The following TMEM44 variants were observed in gnomAD, a reference collection of about 807,000 sequenced individuals.
The protein encoded by TMEM44 is transmembrane protein 44.
TMEM44 carries 43 observed loss-of-function variants against 47.8 expected under a neutral mutation model. The ratio of observed to expected loss-of-function variants is 0.90; its 90% CI spans 0.70 to 1.16. The LOEUF is 1.16. Among genes scored for constraint, TMEM44 ranks in the 50% most tolerant of loss-of-function variants. The pLI is 0.00. For missense variants in TMEM44, 568 were observed against 555.2 expected (o/e 1.02, Z -0.23); for synonymous variants, 277 against 238.8 (o/e 1.16, Z -1.48).
intron 5 of TMEM44, among the ~76,000 whole-genome samples, chr3:194,620,951 G>A (rs576093355): frequency 2.0e-5 from 3 of 151,666 alleles, no homozygotes; most frequent in Admixed American, 1.3e-4. Context: ...ACTGGAACCC[G>A]GGAGGCAGAG....
Position 194,625,888 on chromosome 3 carries a change from C to A in TMEM44, c.358+9G>T, listed in dbSNP as rs1295734422. 7.5e-6 allele frequency: 12 copies of A among 1,607,370 alleles called. No individual in the cohort carries two copies. Among genetic ancestry groups the A allele is most frequent in the Non-Finnish European group, 1.0e-5 (12 of 1,174,004 alleles). Reference sequence around the variant, plus strand: ...GAATAAAGACAGGAAAAGACAGCCACACACTCACCTGAATTAGACTTGAAT... The same window carrying A: ...GAATAAAGACAGGAAAAGACAGCCAAACACTCACCTGAATTAGACTTGAAT... On this transcript the variant is annotated intron_variant, in intron 3 of 9. Coordinates refer to ENST00000347147, the MANE Select transcript of TMEM44 (RefSeq NM_001011655.3).
chr3:194,604,566 T>G, intron 8 of TMEM44, 121 bp from the exon 9 acceptor site: 1 of 1,288,662 alleles, frequency 7.8e-7, no homozygotes, highest in Non-Finnish European at 1.0e-6. Flanking sequence ...GGGCAGCATC[T>G]ACCTGTGCTC....
intron 7 of TMEM44, among the ~76,000 whole-genome samples, chr3:194,614,354 G>A (rs920272089): frequency 7.2e-5 from 11 of 152,170 alleles, no homozygotes; most frequent in Admixed American, 3.3e-4. Flanking sequence ...TATTAAAGAT[G>A]CATGTGAAAG....
rs111899698 is a variant in TMEM44 at position 194,613,070 on chromosome 3, T to A, written c.913-2050A>T. 4.1e-3 allele frequency among the ~76,000 whole-genome samples: 632 copies of A among 152,342 alleles called. 6 individuals are homozygous for A. The highest frequency in any genetic ancestry group is 0.021 in the South Asian group (100 of 4,830). On this transcript the variant is annotated intron_variant, in intron 7 of 9. Transcript: ENST00000347147. Reference sequence around the variant, plus strand: ...AAGTTCTGACTACTTGTAGAGGTCATCTGTTTAAATCAATAAAAGGAGACG... The same window carrying A: ...AAGTTCTGACTACTTGTAGAGGTCAACTGTTTAAATCAATAAAAGGAGACG...
intron 9 of TMEM44, among the ~76,000 whole-genome samples, chr3:194,592,286 T>A (rs1361134735): frequency 1.3e-5 from 2 of 150,654 alleles, no homozygotes; most frequent in African/African-American, 4.9e-5. Flanking sequence ...GAGCAAAAGA[T>A]CCATTTTCAT....
intron 8 of TMEM44, among the ~76,000 whole-genome samples, chr3:194,605,221 C>T (rs1714648120): frequency 6.6e-6 from 1 of 152,012 alleles, no homozygotes; most frequent in South Asian, 2.1e-4. Context: ...CAAAGCTTCC[C>T]CCCATGGGCT....
intron 6 of TMEM44, 62 bp from the exon 7 acceptor site, chr3:194,615,759 C>T (rs1185368763): frequency 2.5e-6 from 4 of 1,585,710 alleles, no homozygotes; most frequent in African/African-American, 1.3e-5. Flanking sequence ...TGGCCCTTCA[C>T]CCCTCCACAC....
intron 9 of TMEM44, among the ~76,000 whole-genome samples, chr3:194,591,258 T>A (rs1035044046): frequency 2.0e-5 from 3 of 151,838 alleles, no homozygotes; most frequent in African/African-American, 7.3e-5. Flanking sequence ...TCTGGGAGGC[T>A]GAGGCGGGTG....
intron 1 of TMEM44, 42 bp from the exon 2 acceptor site, chr3:194,628,551 T>A: frequency 6.4e-7 from 1 of 1,561,144 alleles, no homozygotes; most frequent in South Asian, 1.2e-5. Flanking sequence ...CAACTGTGAG[T>A]TTGGACCCAA....
intron 7 of TMEM44, among the ~76,000 whole-genome samples, chr3:194,613,514 C>G (rs1488195308): frequency 6.7e-6 from 1 of 149,474 alleles, no homozygotes; most frequent in African/African-American, 2.5e-5. Flanking sequence ...TTTTTCGAGA[C>G]GGAGTTTTGC....
rs781527383 is a variant in TMEM44, at chr3:194,615,623, GCT to G, written c.856_857del (p.Ser286ProfsTer2). On this transcript the variant is annotated frameshift_variant, in exon 7 of 10. Coordinates refer to ENST00000347147, the MANE Select transcript of TMEM44 (RefSeq NM_001011655.3). LOFTEE classifies it high-confidence loss of function. ...AGGTCAAAAGGGCTTGGGTGTCAGG[GCT>G]CTCTCTGGCTTCCTTGGCAAATCCT... ...ALGFAKEARESPDTQALLTCA... is the reference protein window; with the variant it reads ...ALGFAKEAREXPDTQALLTCA... The G allele has an allele frequency of 1.2e-5, 20 of 1,613,984 alleles. No individual in the cohort carries two copies. Among genetic ancestry groups the G allele is most frequent in the Admixed American group, 5.0e-5 (3 of 59,986 alleles).
At chr3:194,628,960 T>A (rs990191420) in intron 1 of TMEM44, among the ~76,000 whole-genome samples, 1 of 152,090 alleles carries the variant, frequency 6.6e-6, no homozygotes, top group Non-Finnish European at 1.5e-5. Flanking sequence ...GGTCAGGAGT[T>A]CGAGACCATC....
At position 194,615,689 on chromosome 3, in the gene TMEM44, G is replaced by A; in HGVS notation, c.792C>T (p.Phe264=). The stretch of plus-strand genomic sequence containing the variant: ...TCTTGCTCTTCATCACACACGAAAG[G>A]AAAATAATCTGAGATGGTGTAAGTT... ...GRAALDLAII[F]LSCVMKSKMR... The change falls in exon 7 of 10, where the codon TTC becomes TTT. Residue 264 remains phenylalanine (F), a synonymous_variant. Transcript: ENST00000347147. 6.2e-7 allele frequency: 1 copy of A among 1,613,896 alleles called. No homozygotes were observed. The highest frequency in any genetic ancestry group is 1.1e-5 in the South Asian group (1 of 91,072).
chr3:194,617,584 T>C, intron 5 of TMEM44: 1 of 689,554 alleles, frequency 1.5e-6, no homozygotes. Context: ...TGATCATGAC[T>C]CAGCTCTTTA....
In TMEM44 at chr3:194,588,586, C is replaced by T; in HGVS notation, c.1230G>A (p.Leu410=). 2 of 1,614,214 alleles carry T rather than the reference C, an allele frequency of 1.2e-6. No homozygotes were observed. The highest frequency in any genetic ancestry group is 1.7e-6 in the Non-Finnish European group (2 of 1,180,032). The change falls in exon 10 of 10, where the codon CTG becomes CTA. Residue 410 remains leucine, a synonymous_variant. Transcript: ENST00000347147. ...LEGSKENVEL[L]GSQVHQDSVR... Reference sequence around the variant, plus strand: ...CAGAGTCCTGGTGCACCTGGGATCCCAGTAGCTCCACATTTTCTTTGCTGC... The same window carrying T: ...CAGAGTCCTGGTGCACCTGGGATCCTAGTAGCTCCACATTTTCTTTGCTGC...
intron 9 of TMEM44, among the ~76,000 whole-genome samples, chr3:194,603,798 C>T (rs368484380): frequency 7.9e-5 from 12 of 152,272 alleles, no homozygotes; most frequent in East Asian, 3.9e-4. Flanking sequence ...CTAATGTGAC[C>T]GTGGAAACCT....
intron 9 of TMEM44, among the ~76,000 whole-genome samples, chr3:194,594,705 G>A (rs1364441552): frequency 1.3e-5 from 2 of 151,392 alleles, no homozygotes; most frequent in African/African-American, 4.9e-5. Context: ...CAGAAATGCC[G>A]ATGATATAAA....
chr3:194,623,448 C>T (rs1716795313), intron 4 of TMEM44, 81 bp downstream of exon 4: 1 of 1,513,914 alleles, frequency 6.6e-7, no homozygotes, highest in Non-Finnish European at 8.9e-7. Flanking sequence ...CCCCACTCCC[C>T]TAGCCCCGGC....
chr3:194,633,093 G>A lies in TMEM44; in HGVS notation c.123C>T (p.Ile41=). The change falls in exon 1 of 10, where the codon ATC becomes ATT. Residue 41 remains isoleucine (I), a synonymous_variant. Coordinates refer to ENST00000347147, the MANE Select transcript of TMEM44 (RefSeq NM_001011655.3). ...GGCCCCATTACAGCGCGTGGGCGGC[G>A]ATCCAGCAGGAGGAGGCGCAGATCC... The part of the protein sequence containing the change: ...GLWICASSCW[I]AAHALLLYLR... 6.5e-7 allele frequency: 1 copy of A among 1,549,092 alleles called. No homozygotes were observed. Among genetic ancestry groups the A allele is most frequent in the Non-Finnish European group, 8.7e-7 (1 of 1,146,886 alleles).
Sources: gnomAD v4.1 joint callset for allele counts (sites outside exome capture counted in the v4.1 genomes callset) on GRCh38, gnomAD v4.1.1 for gene constraint, MANE v1.5 for transcripts, NCBI Gene and HGNC (gene_info 2026-07-23, HGNC 2026-07-21) for gene names.